PGCKA1: variants seen among roughly 807,000 people sequenced by gnomAD.
PGCKA1 encodes PDCD10 and GCKIII kinases-associated protein 1.
the PGCKA1 span, among the ~76,000 whole-genome samples, chr4:37,482,236 G>A: frequency 6.6e-6 from 1 of 152,230 alleles, no homozygotes. Context: ...GAACAGTTTG[G>A]AGGGCTCAGG....
the PGCKA1 span, among the ~76,000 whole-genome samples, chr4:37,472,125 C>T: frequency 6.6e-6 from 1 of 152,152 alleles, no homozygotes; most frequent in South Asian, 2.1e-4. Context: ...ACTGCGTGTG[C>T]CCCTGGCAGG....
At chr4:37,520,333 T>G in the PGCKA1 span, among the ~76,000 whole-genome samples, 2 of 152,226 alleles carry the variant, frequency 1.3e-5, no homozygotes, top group East Asian at 3.8e-4. Context: ...AGCGTTGGTA[T>G]TAGTTCTTCT....
chr4:37,484,966 A>G, the PGCKA1 span, among the ~76,000 whole-genome samples: 2 of 152,234 alleles, frequency 1.3e-5, no homozygotes, highest in Non-Finnish European at 2.9e-5. Flanking sequence ...TCAAAACAGT[A>G]TGGATGTGTT....
the PGCKA1 span, among the ~76,000 whole-genome samples, chr4:37,584,750 G>A: frequency 6.6e-5 from 10 of 152,070 alleles, no homozygotes; most frequent in African/African-American, 2.4e-4. Flanking sequence ...CGAGGAGCTG[G>A]GAGTGCAAGG....
At chr4:37,475,770 G>T in the PGCKA1 span, among the ~76,000 whole-genome samples, 11 of 152,082 alleles carry the variant, frequency 7.2e-5, no homozygotes, top group African/African-American at 2.6e-4. Context: ...TTCTAGAAAG[G>T]GGTTCTAGTG....
At chr4:37,520,366 G>A in the PGCKA1 span, among the ~76,000 whole-genome samples, 1 of 152,228 alleles carries the variant, frequency 6.6e-6, no homozygotes, top group Non-Finnish European at 1.5e-5. Flanking sequence ...TAGAATTACA[G>A]TAGTGAAGCC....
At chr4:37,586,673 G>A in the PGCKA1 span, among the ~76,000 whole-genome samples, 1 of 152,242 alleles carries the variant, frequency 6.6e-6, no homozygotes, top group Non-Finnish European at 1.5e-5. Context: ...ACTTTCAGAG[G>A]CCAAGGTGGA....
the PGCKA1 span, chr4:37,590,094 CTT>C: frequency 6.2e-7 from 1 of 1,611,588 alleles, no homozygotes; most frequent in South Asian, 1.1e-5. Context: ...GAAGCTATCT[CTT>C]TGATCCAGTT....
the PGCKA1 span, among the ~76,000 whole-genome samples, chr4:37,532,974 A>AG: frequency 2.1e-5 from 3 of 141,062 alleles, no homozygotes; most frequent in East Asian, 7.1e-4. Context: ...GAACAGTGGG[A>AG]GGGGGGCGAG....
At chr4:37,591,049 A>C in the PGCKA1 span, 2 of 1,506,126 alleles carry the variant, frequency 1.3e-6, no homozygotes, top group East Asian at 4.5e-5. Context: ...CTGAGCATGC[A>C]GATGCATTTG....
chr4:37,581,495 G>A, the PGCKA1 span, among the ~76,000 whole-genome samples: 2 of 152,170 alleles, frequency 1.3e-5, no homozygotes, highest in Admixed American at 1.3e-4. The surrounding 1 kb of genome is among the most constrained non-coding windows in gnomAD (Gnocchi z 4.4). Flanking sequence ...TTTCAAGGAA[G>A]TGCAGTCCCT....
chr4:37,530,573 CAAAAA>C, the PGCKA1 span, among the ~76,000 whole-genome samples: 2 of 71,376 alleles, frequency 2.8e-5, no homozygotes, highest in Non-Finnish European at 2.6e-5. Context: ...AACTATGTCT[CAAAAA>C]AAAAAAAAAA....
At chr4:37,495,770 G>A in the PGCKA1 span, among the ~76,000 whole-genome samples, 1 of 152,164 alleles carries the variant, frequency 6.6e-6, no homozygotes, top group African/African-American at 2.4e-5. Context: ...ATGGGTTGAT[G>A]GGTGCAGCAA....
At chr4:37,486,496 C>T in the PGCKA1 span, among the ~76,000 whole-genome samples, 15 of 152,190 alleles carry the variant, frequency 9.9e-5, no homozygotes, top group Non-Finnish European at 2.1e-4. Flanking sequence ...AAGAAACAGC[C>T]CAACCTTTCA....
At chr4:37,567,184 A>G in the PGCKA1 span, among the ~76,000 whole-genome samples, 1 of 152,196 alleles carries the variant, frequency 6.6e-6, no homozygotes, top group Non-Finnish European at 1.5e-5. Context: ...AACTTTTACA[A>G]CCTTGGGCAA....
At chr4:37,581,918 A>G in the PGCKA1 span, among the ~76,000 whole-genome samples, 1 of 152,146 alleles carries the variant, frequency 6.6e-6, no homozygotes, top group East Asian at 1.9e-4. This position sits in a 1 kb window ranked among gnomAD's most constrained non-coding sequence, Gnocchi z 4.4. Context: ...TCAAGTTCCA[A>G]CAACTGGAAT....
the PGCKA1 span, among the ~76,000 whole-genome samples, chr4:37,486,043 C>A: frequency 3.3e-5 from 5 of 152,270 alleles, no homozygotes; most frequent in East Asian, 9.6e-4. Flanking sequence ...ACGGATATGT[C>A]TTTGTTCAAG....
chr4:37,521,566 A>AT, the PGCKA1 span, among the ~76,000 whole-genome samples: 2 of 152,032 alleles, frequency 1.3e-5, no homozygotes, highest in South Asian at 2.1e-4. Context: ...TATTATTTCT[A>AT]TTTTTTTAAA....
At chr4:37,480,012 A>G in the PGCKA1 span, among the ~76,000 whole-genome samples, 4 of 152,218 alleles carry the variant, frequency 2.6e-5, no homozygotes, top group African/African-American at 7.2e-5. Context: ...GTGTTAGGCA[A>G]TGTTACAGTT....
Sources: gnomAD v4.1 joint callset for allele counts (sites outside exome capture counted in the v4.1 genomes callset) on GRCh38, gnomAD v4.1.1 for gene constraint, Gnocchi (gnomAD v3.1) non-coding constraint, MANE v1.5 for transcripts, NCBI Gene and HGNC (gene_info 2026-07-23, HGNC 2026-07-21) for gene names.